ARID1B: variants seen among roughly 807,000 people sequenced by gnomAD.
ARID1B encodes the protein AT-rich interactive domain-containing protein 1B.
A neutral mutation model predicts 212.3 loss-of-function variants in ARID1B; 30 were observed. The ratio of observed to expected loss-of-function variants is 0.14; its 90% CI spans 0.11 to 0.19. The LOEUF is 0.19. Ranked by LOEUF, ARID1B falls within the 10% of genes least tolerant of loss-of-function variation. The pLI, the probability that ARID1B is intolerant of heterozygous loss-of-function variation, is 1.00. For missense variants in ARID1B, 2,891 were observed against 3,204.0 expected (o/e 0.90, Z 2.36); for synonymous variants, 1,402 against 1,301.7 (o/e 1.08, Z -1.66).
At chr6:157,076,539 G>A (rs753022211) in intron 4 of ARID1B, among the ~76,000 whole-genome samples, 2 of 117,590 alleles carry the variant, frequency 1.7e-5, no homozygotes, top group African/African-American at 2.7e-5. Flanking sequence ...TCTCCAGAAG[G>A]CTCATGCCTT....
intron 2 of ARID1B, among the ~76,000 whole-genome samples, chr6:156,880,358 G>C (rs2128165441): frequency 6.6e-6 from 1 of 152,304 alleles, no homozygotes; most frequent in East Asian, 1.9e-4. Context: ...TAGATAAGAT[G>C]ATGTAGTGTT....
chr6:157,092,967 A>G (rs927527528), intron 5 of ARID1B, among the ~76,000 whole-genome samples: 3 of 152,064 alleles, frequency 2.0e-5, no homozygotes, highest in Non-Finnish European at 4.4e-5. Flanking sequence ...TTCACTCTTG[A>G]GCTGAGTAGG....
intron 1 of ARID1B, among the ~76,000 whole-genome samples, chr6:156,797,999 C>T (rs1314531507): frequency 6.6e-6 from 1 of 151,790 alleles, no homozygotes; most frequent in Non-Finnish European, 1.5e-5. Context: ...AGCCTGGGGG[C>T]TGACATTGTG....
intron 4 of ARID1B, among the ~76,000 whole-genome samples, chr6:157,067,419 C>G (rs1182536986): frequency 6.6e-6 from 1 of 152,202 alleles, no homozygotes; most frequent in African/African-American, 2.4e-5. Flanking sequence ...GGTGCTAAGA[C>G]AGAGTCTCCC....
At chr6:157,162,380 G>T (rs964103903) in intron 8 of ARID1B, among the ~76,000 whole-genome samples, 22 of 152,186 alleles carry the variant, frequency 1.4e-4, no homozygotes, top group Non-Finnish European at 1.9e-4. Flanking sequence ...TTGAAAACTG[G>T]TGTTTGCTTT....
At chr6:157,167,006 C>G (rs1327335673) in intron 8 of ARID1B, 34 bp from the exon 9 acceptor site, 1 of 1,602,794 alleles carries the variant, frequency 6.2e-7, no homozygotes, top group Non-Finnish European at 8.5e-7. Context: ...TGTGCATGGT[C>G]GGTATATGTG....
intron 2 of ARID1B, among the ~76,000 whole-genome samples, chr6:156,881,678 T>C (rs961007367): frequency 1.3e-5 from 2 of 152,218 alleles, no homozygotes; most frequent in Non-Finnish European, 2.9e-5. Flanking sequence ...CCTGTCCCCA[T>C]TGTGGGGAAG....
At chr6:156,931,089 C>T (rs993900734) in intron 3 of ARID1B, among the ~76,000 whole-genome samples, 9 of 150,130 alleles carry the variant, frequency 6.0e-5, no homozygotes, top group Admixed American at 2.0e-4. Context: ...ACTCGGGAGG[C>T]TGAGGCAGGA....
intron 5 of ARID1B, 94 bp downstream of exon 5, chr6:157,084,999 C>A (rs2128464103): frequency 6.9e-7 from 1 of 1,446,502 alleles, no homozygotes; most frequent in Non-Finnish European, 9.3e-7. Flanking sequence ...CTATTTAAAA[C>A]CTAGTGGCCA....
intron 4 of ARID1B, among the ~76,000 whole-genome samples, chr6:156,999,258 A>T (rs1004357919): frequency 2.0e-5 from 3 of 152,268 alleles, no homozygotes; most frequent in African/African-American, 7.2e-5. Context: ...TCCTTGGGAT[A>T]TGCTGGTTAA....
intron 1 of ARID1B, among the ~76,000 whole-genome samples, chr6:156,809,102 T>C (rs1781384044): frequency 6.6e-6 from 1 of 151,900 alleles, no homozygotes; most frequent in Non-Finnish European, 1.5e-5. Context: ...ATCAGGTGTC[T>C]TTTTTTTGGC....
At chr6:157,055,523 TGATAAC>T (rs1239362116) in intron 4 of ARID1B, among the ~76,000 whole-genome samples, 17 of 152,214 alleles carry the variant, frequency 1.1e-4, no homozygotes, top group African/African-American at 3.6e-4. Context: ...ATAATATTCT[TGATAAC>T]AATAGAAAGC....
At chr6:156,982,422 G>C (rs915657150) in intron 4 of ARID1B, among the ~76,000 whole-genome samples, 3 of 148,874 alleles carry the variant, frequency 2.0e-5, no homozygotes, top group Non-Finnish European at 4.4e-5. Context: ...TGTCTCTATG[G>C]GTCTTTTTTT....
At chr6:156,909,376 G>A (rs1185222943) in intron 3 of ARID1B, among the ~76,000 whole-genome samples, 2 of 151,816 alleles carry the variant, frequency 1.3e-5, no homozygotes, top group Non-Finnish European at 2.9e-5. Context: ...CACCTGCCTC[G>A]GCCTCCCAGA....
At chr6:156,903,623 C>T (rs1161017508) in intron 3 of ARID1B, among the ~76,000 whole-genome samples, 1 of 152,156 alleles carries the variant, frequency 6.6e-6, no homozygotes, top group Non-Finnish European at 1.5e-5. Context: ...ATATATTTAG[C>T]ACCTCCAAAA....
At chr6:157,084,137 C>G (rs1784807828) in intron 4 of ARID1B, among the ~76,000 whole-genome samples, 1 of 118,588 alleles carries the variant, frequency 8.4e-6, no homozygotes, top group Admixed American at 8.8e-5. Context: ...TTCATCACCT[C>G]CCCCCCAAAA....
At chr6:157,181,910 G>A (rs2128319481) in intron 12 of ARID1B, among the ~76,000 whole-genome samples, 1 of 152,300 alleles carries the variant, frequency 6.6e-6, no homozygotes, top group African/African-American at 2.4e-5. Flanking sequence ...AAATACATGA[G>A]TCACCAGCCC....
At position 157,201,291 on chromosome 6, in the gene ARID1B, G is replaced by A. The variant is rs762211408; in HGVS notation, c.5066G>A (p.Arg1689His). The change falls in exon 18 of 20, where the codon CGC becomes CAC. Residue 1689 changes from arginine to histidine, a missense_variant. By Grantham distance (29) the Arg-to-His change is conservative. Around this residue, in one of 7 missense-constraint regions of ARID1B, gnomAD observed 666 missense variants for 873.5 expected, o/e 0.76. Coordinates refer to ENST00000636930, the MANE Select transcript of ARID1B (RefSeq NM_001374828.1). This position sits in a 1 kb window ranked among gnomAD's most constrained non-coding sequence, Gnocchi z 5.2. ...PASFQRSLENRMSPSKSPFLP... is the reference protein window; with the variant it reads ...PASFQRSLENHMSPSKSPFLP... ...TCCTTCCAGCGCTCCCTGGAGAACC[G>A]CATGTCTCCAAGCAAGTCTCCTTTT... 1.7e-5 allele frequency: 27 copies of A among 1,614,024 alleles called. No homozygotes were observed. Among genetic ancestry groups the A allele is most frequent in the East Asian group, 4.5e-5 (2 of 44,874 alleles).
At chr6:156,840,226 G>A (rs982786414) in intron 2 of ARID1B, among the ~76,000 whole-genome samples, 1 of 152,004 alleles carries the variant, frequency 6.6e-6, no homozygotes, top group South Asian at 2.1e-4. Context: ...TGACCTTTGC[G>A]TTTCCTTTTC....
Sources: allele counts gnomAD v4.1 joint callset (sites outside exome capture counted in the v4.1 genomes callset), GRCh38; gene constraint gnomAD v4.1.1; regional missense constraint gnomAD v4.1.1; non-coding constraint Gnocchi (gnomAD v3.1); transcripts MANE v1.5; gene names NCBI Gene and HGNC (gene_info 2026-07-23, HGNC 2026-07-21).